The following XKR9 variants were observed in gnomAD, a reference collection of about 807,000 sequenced individuals.
XKR9 encodes the protein XK-related protein 9.
Under a neutral mutation model 32.0 loss-of-function variants are expected in XKR9, and 32 were observed. That is an observed-to-expected ratio of 1.00 (90% confidence interval 0.76 to 1.34). The LOEUF is 1.34. Ranked by LOEUF, XKR9 falls within the 40% of genes most tolerant of loss-of-function variation. The pLI, the probability that XKR9 is intolerant of heterozygous loss-of-function variation, is 0.00. For synonymous variants in XKR9, 168 were observed against 143.4 expected (o/e 1.17, Z -1.22); for missense variants, 546 against 429.7 (o/e 1.27, Z -2.39).
the XKR9 span, among the ~76,000 whole-genome samples, chr8:71,006,321 A>G: frequency 8.0e-6 from 1 of 124,360 alleles, no homozygotes; most frequent in Non-Finnish European, 1.8e-5. Flanking sequence ...AAACATTACG[A>G]TATTTAAAAA....
chr8:71,028,657 T>A, the XKR9 span, among the ~76,000 whole-genome samples: 1 of 152,234 alleles, frequency 6.6e-6, no homozygotes, highest in African/African-American at 2.4e-5. Flanking sequence ...AGGTAATAGA[T>A]GTTAATTAGC....
the XKR9 span, among the ~76,000 whole-genome samples, chr8:70,893,495 A>C: frequency 6.6e-6 from 1 of 152,110 alleles, no homozygotes; most frequent in Non-Finnish European, 1.5e-5. Context: ...TGGCTTTCAT[A>C]GATTAAGAAT....
the XKR9 span, among the ~76,000 whole-genome samples, chr8:70,919,476 G>T: frequency 2.0e-5 from 3 of 152,142 alleles, no homozygotes; most frequent in Non-Finnish European, 4.4e-5. Context: ...AAGACAGGAA[G>T]AATAGATAAT....
At chr8:70,942,460 A>G in the XKR9 span, among the ~76,000 whole-genome samples, 4 of 152,256 alleles carry the variant, frequency 2.6e-5, no homozygotes, top group African/African-American at 9.6e-5. Flanking sequence ...GCCCACAGGC[A>G]AAGGAGGAAG....
the XKR9 span, among the ~76,000 whole-genome samples, chr8:70,801,309 A>C: frequency 6.6e-6 from 1 of 152,112 alleles, no homozygotes; most frequent in Non-Finnish European, 1.5e-5. Context: ...AGGACTATAC[A>C]CTTCCCTCCT....
chr8:71,056,230 T>C, the XKR9 span, among the ~76,000 whole-genome samples: 1 of 151,914 alleles, frequency 6.6e-6, no homozygotes, highest in Non-Finnish European at 1.5e-5. Context: ...GAAGGTAATG[T>C]GGGTGGTGGA....
chr8:70,996,579 T>C, the XKR9 span, among the ~76,000 whole-genome samples: 1 of 152,254 alleles, frequency 6.6e-6, no homozygotes, highest in African/African-American at 2.4e-5. Context: ...TGATTAAAAT[T>C]AGAAGACAAA....
At chr8:70,946,854 T>C in the XKR9 span, among the ~76,000 whole-genome samples, 2 of 152,212 alleles carry the variant, frequency 1.3e-5, no homozygotes, top group African/African-American at 4.8e-5. Flanking sequence ...ATTAGTTGAC[T>C]GAATTACCTA....
chr8:70,992,020 T>G, the XKR9 span, among the ~76,000 whole-genome samples: 15 of 152,242 alleles, frequency 9.9e-5, no homozygotes, highest in African/African-American at 3.6e-4. Flanking sequence ...CAGATAATCC[T>G]TAGTTCCTCA....
the XKR9 span, among the ~76,000 whole-genome samples, chr8:71,007,381 G>A: frequency 1.3e-5 from 2 of 152,296 alleles, no homozygotes; most frequent in East Asian, 3.9e-4. Flanking sequence ...TGTTTAGGGA[G>A]TATTTCTCCA....
At chr8:70,819,635 C>A in the XKR9 span, among the ~76,000 whole-genome samples, 1 of 152,110 alleles carries the variant, frequency 6.6e-6, no homozygotes, top group African/African-American at 2.4e-5. Flanking sequence ...CTGTTTTAAC[C>A]TATAGGGTTA....
At chr8:70,690,698 C>T (rs1819484789) in intron 3 of XKR9, among the ~76,000 whole-genome samples, 1 of 152,080 alleles carries the variant, frequency 6.6e-6, no homozygotes. Context: ...TCTATTCCTA[C>T]GTTAGTTTGC....
At chr8:70,951,268 C>T in the XKR9 span, among the ~76,000 whole-genome samples, 3 of 152,324 alleles carry the variant, frequency 2.0e-5, no homozygotes, top group South Asian at 2.1e-4. Flanking sequence ...AACACAGACT[C>T]TGAGATAAGC....
the XKR9 span, among the ~76,000 whole-genome samples, chr8:70,968,156 T>C: frequency 5.9e-5 from 9 of 152,318 alleles, no homozygotes; most frequent in African/African-American, 1.9e-4. Flanking sequence ...TTTTCTCTAT[T>C]CTTGTCTGCC....
the XKR9 span, among the ~76,000 whole-genome samples, chr8:70,904,136 C>T: frequency 6.6e-6 from 1 of 152,164 alleles, no homozygotes; most frequent in Non-Finnish European, 1.5e-5. Flanking sequence ...CTGTTAGGCC[C>T]ACTTGGTGCA....
At chr8:70,880,048 G>C in the XKR9 span, among the ~76,000 whole-genome samples, 3 of 152,140 alleles carry the variant, frequency 2.0e-5, no homozygotes, top group Admixed American at 6.5e-5. Context: ...AATAGATGCA[G>C]AAAAGGCCTT....
chr8:70,785,689 G>A (rs1001697380), intron 2 of XKR9, among the ~76,000 whole-genome samples: 5 of 144,690 alleles, frequency 3.5e-5, no homozygotes, highest in African/African-American at 1.3e-4. Context: ...TATCCCATAA[G>A]TTTTGGTGTG....
At chr8:70,711,188 T>C (rs1409750219) in intron 4 of XKR9, among the ~76,000 whole-genome samples, 1 of 152,186 alleles carries the variant, frequency 6.6e-6, no homozygotes, top group Non-Finnish European at 1.5e-5. Context: ...GAATGTAAAT[T>C]AGTTCAGCCA....
chr8:70,976,903 A>G, the XKR9 span, among the ~76,000 whole-genome samples: 1 of 152,036 alleles, frequency 6.6e-6, no homozygotes, highest in African/African-American at 2.4e-5. Context: ...AGAGCCTGTT[A>G]TTGGTCTATT....
Sources: allele counts gnomAD v4.1 joint callset (sites outside exome capture counted in the v4.1 genomes callset), GRCh38; gene constraint gnomAD v4.1.1; transcripts MANE v1.5; gene names NCBI Gene and HGNC (gene_info 2026-07-23, HGNC 2026-07-21).